Variants in GLRA3 observed in about 807,000 individuals in gnomAD.
The protein encoded by GLRA3 is glycine receptor subunit alpha-3.
In GLRA3, 44 loss-of-function variants were observed where a neutral mutation model predicts 60.4. The ratio of observed to expected loss-of-function variants is 0.73; its 90% CI spans 0.57 to 0.94. The LOEUF is 0.94. Ranked by LOEUF, GLRA3 falls within the 40% of genes least tolerant of loss-of-function variation. GLRA3 has a pLI of 0.00. For synonymous variants in GLRA3, 223 were observed against 192.9 expected (o/e 1.16, Z -1.29); for missense variants, 508 against 564.6 (o/e 0.90, Z 1.02).
chr4:174,679,498 C>T (rs770792774), intron 6 of GLRA3, among the ~76,000 whole-genome samples: 1 of 151,938 alleles, frequency 6.6e-6, no homozygotes, highest in South Asian at 2.1e-4. Flanking sequence ...TATAGGAGTT[C>T]CTTTAAAAAG....
At position 174,659,108 on chromosome 4, in the gene GLRA3, A is replaced by C; in HGVS notation, c.1017T>G (p.Phe339Leu). Residue 339 changes from phenylalanine (F) to leucine (L), a missense_variant, in exon 8 of 10, where the codon TTT becomes TTG. Physicochemically the swap from Phe to Leu is conservative, Grantham distance 22 (BLOSUM62 0). This residue lies in a region of GLRA3 where 176 missense variants were observed against 197.9 expected (regional missense o/e 0.89). Transcript: ENST00000274093. ...SALLEYAAVN[F>L]VSRQHKELLR... is the part of the protein sequence containing the mutation. ...GAAGTTCTTTGTGTTGTCTTGATAC[A>C]AAATTTACAGCTGCATACTCCAGAA... is the stretch of plus-strand genomic sequence containing the variant. 6 of 1,613,042 alleles carry C rather than the reference A, an allele frequency of 3.7e-6. No homozygotes were observed. Among genetic ancestry groups the C allele is most frequent in the Non-Finnish European group, 5.1e-6 (6 of 1,179,210 alleles).
chr4:174,679,676 A>G (rs982941891), intron 6 of GLRA3, among the ~76,000 whole-genome samples: 7 of 152,214 alleles, frequency 4.6e-5, no homozygotes, highest in Admixed American at 6.5e-5. Context: ...TAGTGTATAT[A>G]CACAATGGAA....
intron 4 of GLRA3, among the ~76,000 whole-genome samples, chr4:174,718,987 C>G (rs1395994216): frequency 1.4e-5 from 1 of 73,678 alleles, no homozygotes; most frequent in East Asian, 3.7e-4. Context: ...TTTTTTGAGA[C>G]GGAGTCTCGC....
At chr4:174,662,883 T>C (rs1160518666) in intron 7 of GLRA3, among the ~76,000 whole-genome samples, 2 of 150,826 alleles carry the variant, frequency 1.3e-5, no homozygotes, top group Non-Finnish European at 2.9e-5. Flanking sequence ...TGAGGGCAGA[T>C]GACATCTCTG....
intron 4 of GLRA3, 118 bp from the exon 5 acceptor site, chr4:174,715,688 TC>T (rs1735892929): frequency 1.8e-6 from 1 of 547,878 alleles, no homozygotes; most frequent in African/African-American, 1.9e-5. Context: ...TAAAAATTTC[TC>T]CAGCTTATGT....
intron 4 of GLRA3, among the ~76,000 whole-genome samples, chr4:174,718,644 A>G (rs993734680): frequency 7.2e-5 from 11 of 152,164 alleles, no homozygotes; most frequent in South Asian, 2.1e-4. Flanking sequence ...TTAGATCCTA[A>G]TATTTCTCTA....
chr4:174,763,611 A>G (rs1438050509), intron 3 of GLRA3, among the ~76,000 whole-genome samples: 1 of 152,188 alleles, frequency 6.6e-6, no homozygotes, highest in Non-Finnish European at 1.5e-5. Context: ...TCATCCTGGC[A>G]CATAAGCCTT....
chr4:174,649,902 T>G (rs1732967002), intron 9 of GLRA3, among the ~76,000 whole-genome samples: 1 of 152,090 alleles, frequency 6.6e-6, no homozygotes, highest in South Asian at 2.1e-4. Context: ...TTACTGTCCA[T>G]CCCTAAAGGA....
At chr4:174,766,891 A>T in intron 3 of GLRA3, 72 bp downstream of exon 3, 1 of 753,414 alleles carries the variant, frequency 1.3e-6, no homozygotes, top group Non-Finnish European at 2.3e-6. Context: ...GTTTTAAATT[A>T]CATAAAATGT....
At chr4:174,824,754 C>T (rs184067227) in intron 1 of GLRA3, among the ~76,000 whole-genome samples, 203 of 152,218 alleles carry the variant, frequency 1.3e-3, no homozygotes, top group Middle Eastern at 0.01. Context: ...TTGATAGTTG[C>T]GCTTCCTTAT....
In GLRA3 at chr4:174,747,423, T is replaced by C. The variant is rs115841302; in HGVS notation, c.268-18725A>G. Among the ~76,000 whole-genome samples, 1,165 of 152,258 alleles carry C rather than the reference T, an allele frequency of 7.7e-3. 7 individuals are homozygous for C. The highest frequency in any genetic ancestry group is 0.011 in the Non-Finnish European group (760 of 68,018). ...GATTATACAGGGCTAGTATAAGCCA[T>C]GGAAATTTGAATTTTGCTCCAACAG... On this transcript the variant is annotated intron_variant, in intron 3 of 9. Coordinates refer to ENST00000274093, the MANE Select transcript of GLRA3 (RefSeq NM_006529.4).
chr4:174,766,839 A>G (rs1297610203), intron 3 of GLRA3, 124 bp downstream of exon 3: 6 of 560,780 alleles, frequency 1.1e-5, no homozygotes, highest in African/African-American at 9.5e-5. Context: ...ATTTAATTAT[A>G]CTATTAATTT....
rs1211747631 is a variant in GLRA3, at chr4:174,638,061, G to A, written c.*5725C>T. 6.6e-6 allele frequency: 1 copy of A among 152,010 alleles called. No homozygotes were observed. The highest frequency in any genetic ancestry group is 6.6e-5 in the Admixed American group (1 of 15,244). 9.4% of individuals were successfully genotyped at this position (152,010 alleles called of 1,614,324 possible). On this transcript the variant is annotated 3_prime_UTR_variant, in exon 10 of 10. Coordinates refer to ENST00000274093, the MANE Select transcript of GLRA3 (RefSeq NM_006529.4). The stretch of plus-strand genomic sequence containing the variant: ...TATATGCTAGTTGTCTTATAGGAGG[G>A]GAATAAACTTACTTGGTATTTTAGG...
intron 2 of GLRA3, among the ~76,000 whole-genome samples, chr4:174,770,368 C>T (rs997591073): frequency 1.3e-5 from 2 of 151,946 alleles, no homozygotes; most frequent in Admixed American, 6.6e-5. Flanking sequence ...GCTTGGAAAC[C>T]ACTATCCTAA....
chr4:174,725,105 C>T (rs575545513), intron 4 of GLRA3, among the ~76,000 whole-genome samples: 2 of 152,336 alleles, frequency 1.3e-5, no homozygotes, highest in African/African-American at 2.4e-5. Flanking sequence ...GCTTCATACC[C>T]TTTCCCCCTC....
chr4:174,746,999 T>C (rs887633861), intron 3 of GLRA3, among the ~76,000 whole-genome samples: 1 of 152,220 alleles, frequency 6.6e-6, no homozygotes, highest in Non-Finnish European at 1.5e-5. Flanking sequence ...AGTCTTACAA[T>C]TAAAGAATAT....
intron 1 of GLRA3, among the ~76,000 whole-genome samples, chr4:174,795,164 G>A (rs1249962463): frequency 6.6e-6 from 1 of 151,746 alleles, no homozygotes; most frequent in African/African-American, 2.4e-5. Context: ...AAATTAAACT[G>A]GAGGAAGAAA....
At chr4:174,744,453 C>T (rs552052031) in intron 3 of GLRA3, among the ~76,000 whole-genome samples, 1 of 152,334 alleles carries the variant, frequency 6.6e-6, no homozygotes, top group Non-Finnish European at 1.5e-5. Flanking sequence ...TAAAGACTGG[C>T]CCACCTGGCG....
At chr4:174,797,452 A>G (rs1739616828) in intron 1 of GLRA3, among the ~76,000 whole-genome samples, 2 of 152,002 alleles carry the variant, frequency 1.3e-5, no homozygotes, top group Admixed American at 6.6e-5. Context: ...TTTCTTGGGA[A>G]CTCTGTGTGG....
Sources: gnomAD v4.1 joint callset for allele counts (sites outside exome capture counted in the v4.1 genomes callset) on GRCh38, gnomAD v4.1.1 for gene constraint, gnomAD v4.1.1 regional missense constraint, MANE v1.5 for transcripts, NCBI Gene and HGNC (gene_info 2026-07-23, HGNC 2026-07-21) for gene names.